RAB3GAP1: variants seen among roughly 807,000 people sequenced by gnomAD.
The protein encoded by RAB3GAP1 is rab3 GTPase-activating protein catalytic subunit.
A neutral mutation model predicts 130.7 loss-of-function variants in RAB3GAP1; 86 were observed. The ratio of observed to expected loss-of-function variants is 0.66; its 90% CI spans 0.55 to 0.79. RAB3GAP1 has a LOEUF of 0.79. RAB3GAP1 is among the 30% of genes least tolerant of loss of function. RAB3GAP1 has a pLI of 0.00. For missense variants in RAB3GAP1, 1,029 were observed against 1,169.4 expected (o/e 0.88, Z 1.75); for synonymous variants, 367 against 401.7 (o/e 0.91, Z 1.03).
chr2:135,138,915 C>T (rs1339990699), intron 17 of RAB3GAP1, among the ~76,000 whole-genome samples: 3 of 152,088 alleles, frequency 2.0e-5, no homozygotes, highest in South Asian at 4.1e-4. Flanking sequence ...TGTGCCCAGC[C>T]TCAATTTCTT....
intron 5 of RAB3GAP1, among the ~76,000 whole-genome samples, chr2:135,111,953 C>T (rs1305589182): frequency 1.3e-5 from 2 of 152,118 alleles, no homozygotes; most frequent in Admixed American, 6.5e-5. Flanking sequence ...CTATTATATT[C>T]ATTAGTCTCA....
intron 5 of RAB3GAP1, among the ~76,000 whole-genome samples, chr2:135,107,106 A>G (rs1690650540): frequency 6.6e-6 from 1 of 152,070 alleles, no homozygotes. Flanking sequence ...GAGAAAAAAA[A>G]AAAAAAACCA....
intron 7 of RAB3GAP1, among the ~76,000 whole-genome samples, chr2:135,117,603 TCTG>T (rs1305806002): frequency 6.6e-4 from 92 of 139,162 alleles, no homozygotes; most frequent in African/African-American, 1.6e-3. Context: ...TGCTGCTTCT[TCTG>T]CTTCTTCTGC....
chr2:135,164,605 G>T lies in RAB3GAP1; in HGVS notation c.2618G>T (p.Cys873Phe). Residue 873 changes from cysteine to phenylalanine, a missense_variant, in exon 23 of 24, where the codon TGC becomes TTC. Coordinates refer to ENST00000264158, the MANE Select transcript of RAB3GAP1 (RefSeq NM_012233.3). ...EKEDLERFVS[C>F]LLEQPEVLVT... ...TCTCTGTCTCCTAGGTTTGTGAGTT[G>T]CCTGCTGGAGCAGCCTGAAGTGTTA... 6.2e-7 allele frequency: 1 copy of T among 1,612,058 alleles called. No individual in the cohort carries two copies. Among genetic ancestry groups the T allele is most frequent in the South Asian group, 1.1e-5 (1 of 91,002 alleles).
intron 2 of RAB3GAP1, among the ~76,000 whole-genome samples, chr2:135,055,953 CAGCCTCCCAAGT>C (rs1466602495): frequency 1.3e-5 from 2 of 151,884 alleles, no homozygotes; most frequent in Non-Finnish European, 2.9e-5. Context: ...TCTCCTGCCT[CAGCCTCCCAAGT>C]AGCTGGGACT....
At position 135,169,647 on chromosome 2, in the gene RAB3GAP1, T is replaced by C. The variant is rs1163482603; in HGVS notation, c.*866T>C. The C allele has an allele frequency of 4.6e-6, 2 of 430,170 alleles. No homozygotes were observed. The highest frequency in any genetic ancestry group is 9.4e-6 in the Non-Finnish European group (2 of 212,174). 26.6% of individuals were successfully genotyped at this position (430,170 alleles called of 1,614,324 possible). A position where few individuals can be genotyped will look rare whatever the true frequency, so the allele number is the denominator to read the frequency against. The stretch of plus-strand genomic sequence containing the variant: ...AAATACAGTCTTGGTACCTAGAGAC[T>C]GTCATGCAGATAGTATAATTTGGTA... On this transcript the variant is annotated 3_prime_UTR_variant, in exon 24 of 24. Transcript: ENST00000264158.
chr2:135,132,893 A>G lies in RAB3GAP1; in HGVS notation c.1237-2A>G, dbSNP rs1558792168. On this transcript the variant is annotated splice_acceptor_variant, in intron 13 of 23. Transcript: ENST00000264158. LOFTEE classifies it high-confidence loss of function. ...GTGATTATTTTTTTCCTTTCCTTCA[A>G]GTTCTTATTCCCTGATGCTGTTTCT... is the stretch of plus-strand genomic sequence containing the variant. The G allele has an allele frequency of 6.5e-7, 1 of 1,533,582 alleles. No individual in the cohort carries two copies. Among genetic ancestry groups the G allele is most frequent in the Non-Finnish European group, 9.0e-7 (1 of 1,107,242 alleles). The allele number at this position is 1,533,582 out of a possible 1,614,324, so 95.0% of individuals were successfully genotyped here.
intron 5 of RAB3GAP1, among the ~76,000 whole-genome samples, chr2:135,105,501 C>T (rs1402706200): frequency 6.6e-6 from 1 of 152,058 alleles, no homozygotes; most frequent in Non-Finnish European, 1.5e-5. Flanking sequence ...CTGGAGGTGC[C>T]GGGATTGCAG....
intron 3 of RAB3GAP1, among the ~76,000 whole-genome samples, chr2:135,090,025 G>A (rs546792274): frequency 3.9e-5 from 6 of 152,226 alleles, no homozygotes; most frequent in African/African-American, 1.4e-4. Flanking sequence ...ACTATGGCAC[G>A]TGTATAGCTA....
At chr2:135,174,231 A>AC (rs1246093455), downstream of RAB3GAP1, among the ~76,000 whole-genome samples, 1 of 151,700 alleles carries the variant, frequency 6.6e-6, no homozygotes, top group African/African-American at 2.4e-5. Flanking sequence ...GAACCAGAAG[A>AC]CCCCCAACTT....
At chr2:135,131,657 G>C (rs185575521) in intron 13 of RAB3GAP1, among the ~76,000 whole-genome samples, 20 of 152,292 alleles carry the variant, frequency 1.3e-4, no homozygotes, top group Admixed American at 1.2e-3. Flanking sequence ...GCCCCAGCCT[G>C]GGGGCCATCC....
chr2:135,133,176 G>C (rs1691593533), intron 14 of RAB3GAP1, among the ~76,000 whole-genome samples, 192 bp downstream of exon 14: 1 of 152,050 alleles, frequency 6.6e-6, no homozygotes, highest in Non-Finnish European at 1.5e-5. Context: ...GAATTTTTCT[G>C]GAAACAATGA....
At chr2:135,062,209 C>T (rs984346897) in intron 3 of RAB3GAP1, among the ~76,000 whole-genome samples, 4 of 152,090 alleles carry the variant, frequency 2.6e-5, no homozygotes, top group African/African-American at 4.8e-5. Context: ...GCACTGCGCC[C>T]GTCGTATATT....
At chr2:135,154,786 G>A (rs1692264937) in intron 19 of RAB3GAP1, among the ~76,000 whole-genome samples, 1 of 152,104 alleles carries the variant, frequency 6.6e-6, no homozygotes, top group Non-Finnish European at 1.5e-5. Context: ...GATATACAAA[G>A]AAGGAGTGGA....
chr2:135,078,928 C>T (rs1395382199), intron 3 of RAB3GAP1, among the ~76,000 whole-genome samples: 2 of 152,070 alleles, frequency 1.3e-5, no homozygotes, highest in African/African-American at 2.4e-5. Flanking sequence ...AGTGCAGTGG[C>T]ACGATCTTGG....
intron 8 of RAB3GAP1, among the ~76,000 whole-genome samples, chr2:135,122,051 C>T (rs1691216201): frequency 1.3e-5 from 2 of 151,966 alleles, no homozygotes; most frequent in Middle Eastern, 6.8e-3. Context: ...TGACATTGCG[C>T]CACTGTACTC....
At chr2:135,053,791 T>G (rs1688941746) in intron 2 of RAB3GAP1, among the ~76,000 whole-genome samples, 1 of 152,174 alleles carries the variant, frequency 6.6e-6, no homozygotes, top group Non-Finnish European at 1.5e-5. Context: ...AGTTAAAATG[T>G]AAGCCAGTTG....
rs759322036 is a variant in RAB3GAP1 at position 135,120,895 on chromosome 2, A to G, written c.725A>G (p.Tyr242Cys). ...TATGTACTTCAAGATTGGCAGCAGTATTTTTGGCCTCAGCAACCTCCAGGT... is the reference window on the plus strand; with the variant it reads ...TATGTACTTCAAGATTGGCAGCAGTGTTTTTGGCCTCAGCAACCTCCAGGT... ...FTYVLQDWQQ[Y>C]FWPQQPPDID... The change falls in exon 8 of 24, where the codon TAT becomes TGT. Residue 242 changes from tyrosine to cysteine, a missense_variant. Transcript: ENST00000264158. 1.2e-5 allele frequency: 20 copies of G among 1,611,556 alleles called. 1 individual carries two copies. In the South Asian group the frequency reaches 2.2e-4, roughly 18 times the overall value.
At chr2:135,138,610 ATTT>A (rs755626552) in intron 17 of RAB3GAP1, among the ~76,000 whole-genome samples, 1 of 141,816 alleles carries the variant, frequency 7.1e-6, no homozygotes, top group African/African-American at 2.6e-5. Context: ...GGTTTTATGG[ATTT>A]TTTTTTTTTT....
Sources: gnomAD v4.1 joint callset for allele counts (sites outside exome capture counted in the v4.1 genomes callset) on GRCh38, gnomAD v4.1.1 for gene constraint, MANE v1.5 for transcripts, NCBI Gene and HGNC (gene_info 2026-07-23, HGNC 2026-07-21) for gene names.